CERS6: variants seen among roughly 807,000 people sequenced by gnomAD.
CERS6 encodes the protein ceramide synthase 6, also known as LAG1 homolog, ceramide synthase 6.
In CERS6, 26 loss-of-function variants were observed where a neutral mutation model predicts 56.8. That is an observed-to-expected ratio of 0.46 (90% CI 0.34 to 0.63). CERS6 has a LOEUF of 0.63. CERS6 is among the 30% of genes least tolerant of loss of function. The pLI is 0.01. For synonymous variants in CERS6, 164 were observed against 173.3 expected, an observed-to-expected ratio of 0.95 and a Z score of 0.42; for missense variants, 415 against 467.5, an observed-to-expected ratio of 0.89 and a Z score of 1.04.
intron 4 of CERS6, among the ~76,000 whole-genome samples, chr2:168,670,318 G>A (rs1401639657): frequency 6.6e-6 from 1 of 152,102 alleles, no homozygotes; most frequent in Non-Finnish European, 1.5e-5. Flanking sequence ...ACTTACCAGA[G>A]AATACCAGCC....
chr2:168,645,134 TATATATATAGAGAGAGAGAGAG>T (rs1175747526), intron 4 of CERS6, among the ~76,000 whole-genome samples: 5 of 38,832 alleles, frequency 1.3e-4, no homozygotes, highest in Non-Finnish European at 2.2e-4. Context: ...TATATATATA[TATATATATAGAGAGAGAGAGAG>T]AGAGAGAGAG....
rs555928434 is a variant in CERS6, at chr2:168,640,445, C to G, written c.465+9403C>G. Among the ~76,000 whole-genome samples, 10 of 152,306 alleles carry G rather than the reference C, an allele frequency of 6.6e-5. No homozygotes were observed. In the East Asian group the frequency reaches 1.9e-3, roughly 29 times the overall value. ...ACTGATCTCTGTTCATTTGTTCATT[C>G]TTTCTTTAAGAATCTGTTGAGCACC... is the stretch of plus-strand genomic sequence containing the variant. On this transcript the variant is annotated intron_variant, in intron 4 of 9. Coordinates refer to ENST00000305747, the MANE Select transcript of CERS6 (RefSeq NM_203463.3).
intron 1 of CERS6, among the ~76,000 whole-genome samples, chr2:168,470,212 CAAA>C (rs752453936): frequency 5.7e-5 from 6 of 105,670 alleles, no homozygotes; most frequent in African/African-American, 1.7e-4. Flanking sequence ...CCAACTCTAC[CAAA>C]AAAAAAAAAA....
At chr2:168,604,615 C>A (rs1292621588) in intron 3 of CERS6, among the ~76,000 whole-genome samples, 1 of 152,118 alleles carries the variant, frequency 6.6e-6, no homozygotes, top group Non-Finnish European at 1.5e-5. Context: ...TTAACATCAT[C>A]CCTCCTTGGT....
At chr2:168,490,792 C>T (rs1011552705) in intron 1 of CERS6, among the ~76,000 whole-genome samples, 24 of 152,076 alleles carry the variant, frequency 1.6e-4, no homozygotes, top group Admixed American at 7.9e-4. Flanking sequence ...TCTTTTGTTT[C>T]TGCTTTACAA....
chr2:168,725,358 T>C (rs1187316268), intron 8 of CERS6, among the ~76,000 whole-genome samples: 3 of 152,228 alleles, frequency 2.0e-5, no homozygotes, highest in African/African-American at 7.2e-5. Flanking sequence ...AGTGCAGTGG[T>C]GGGCTGAAGG....
chr2:168,741,667 T>C (rs971371689), intron 8 of CERS6, among the ~76,000 whole-genome samples: 1 of 152,212 alleles, frequency 6.6e-6, no homozygotes, highest in Non-Finnish European at 1.5e-5. Flanking sequence ...AGCATGCTGG[T>C]AATGAGACCA....
At chr2:168,610,122 C>T (rs374622557) in intron 3 of CERS6, among the ~76,000 whole-genome samples, 21 of 151,964 alleles carry the variant, frequency 1.4e-4, no homozygotes, top group South Asian at 1.0e-3. Flanking sequence ...GGACTACAGG[C>T]GCCCACCACC....
intron 1 of CERS6, among the ~76,000 whole-genome samples, chr2:168,528,701 T>C (rs1370996450): frequency 3.3e-5 from 5 of 151,648 alleles, no homozygotes; most frequent in Non-Finnish European, 7.4e-5. Flanking sequence ...ATGTCAAATA[T>C]GAGGGAAACA....
At chr2:168,640,314 G>T (rs1684958508) in intron 4 of CERS6, among the ~76,000 whole-genome samples, 1 of 152,226 alleles carries the variant, frequency 6.6e-6, no homozygotes, top group Non-Finnish European at 1.5e-5. Context: ...GCATGTTGCT[G>T]AATGGAAATG....
chr2:168,498,486 T>G (rs1459841566), intron 1 of CERS6, among the ~76,000 whole-genome samples: 1 of 152,104 alleles, frequency 6.6e-6, no homozygotes, highest in Non-Finnish European at 1.5e-5. Flanking sequence ...CCAAGCAGGG[T>G]GGCCGGGTAT....
At chr2:168,669,367 C>T (rs556729104) in intron 4 of CERS6, among the ~76,000 whole-genome samples, 2 of 152,326 alleles carry the variant, frequency 1.3e-5, no homozygotes, top group South Asian at 4.1e-4. Context: ...ACACCATTTT[C>T]ACTTCATAGA....
chr2:168,462,786 G>A (rs1248914865), intron 1 of CERS6, among the ~76,000 whole-genome samples: 2 of 151,962 alleles, frequency 1.3e-5, no homozygotes, highest in East Asian at 1.9e-4. Flanking sequence ...CTCCCATTTC[G>A]ACCTCCCAAA....
intron 8 of CERS6, among the ~76,000 whole-genome samples, chr2:168,745,247 A>ATTT (rs11453117): frequency 2.0e-5 from 3 of 149,890 alleles, no homozygotes; most frequent in South Asian, 2.1e-4. Context: ...CAGTTTAAAA[A>ATTT]TTTTTTTTTT....
chr2:168,600,495 C>T (rs1290283591), intron 3 of CERS6, among the ~76,000 whole-genome samples: 2 of 152,208 alleles, frequency 1.3e-5, no homozygotes, highest in East Asian at 1.9e-4. Context: ...TGAGCCACCA[C>T]GCCCGGCCTG....
chr2:168,773,428 T>C lies in CERS6; in HGVS notation c.*3766T>C, dbSNP rs774270724. 2.0e-5 allele frequency: 3 copies of C among 152,224 alleles called. No homozygotes were observed. Among genetic ancestry groups the C allele is most frequent in the Non-Finnish European group, 4.4e-5 (3 of 68,040 alleles). The allele number at this position is 152,224 out of a possible 1,614,324, so 9.4% of individuals were successfully genotyped here. On this transcript the variant is annotated 3_prime_UTR_variant, in exon 10 of 10. Coordinates refer to ENST00000305747, the MANE Select transcript of CERS6 (RefSeq NM_203463.3). ...GTTCTGATTAGCTTACTTTTTTCCT[T>C]TGTCTTTGGCTGATTTCTGCTTTGT...
chr2:168,749,337 G>A (rs570857083), intron 8 of CERS6, among the ~76,000 whole-genome samples: 10 of 152,148 alleles, frequency 6.6e-5, no homozygotes, highest in East Asian at 1.9e-4. Context: ...TTGTTCAGAC[G>A]GAATTTAAAA....
chr2:168,530,768 A>T (rs1358124025), intron 1 of CERS6, among the ~76,000 whole-genome samples: 1 of 152,204 alleles, frequency 6.6e-6, no homozygotes. Context: ...CAAGGATCCC[A>T]GCTCTTAGGT....
At chr2:168,544,388 A>G (rs1357780817) in intron 1 of CERS6, among the ~76,000 whole-genome samples, 1 of 152,180 alleles carries the variant, frequency 6.6e-6, no homozygotes, top group African/African-American at 2.4e-5. Context: ...AAGTGGGGAT[A>G]ATGGTAATCC....
Sources: gnomAD v4.1 joint callset for allele counts (sites outside exome capture counted in the v4.1 genomes callset) on GRCh38, gnomAD v4.1.1 for gene constraint, MANE v1.5 for transcripts, NCBI Gene and HGNC (gene_info 2026-07-23, HGNC 2026-07-21) for gene names.